The following XDH variants were observed in gnomAD, a reference collection of about 807,000 sequenced individuals.
The protein encoded by XDH is xanthine dehydrogenase/oxidase.
A neutral mutation model predicts 156.1 loss-of-function variants in XDH; 138 were observed. The ratio of observed to expected loss-of-function variants is 0.88; its 90% CI spans 0.77 to 1.02. The LOEUF is 1.02. Ranked by LOEUF, XDH falls within the 50% of genes least tolerant of loss-of-function variation. The probability of loss-of-function intolerance (pLI) is 0.00; values close to 1 mark genes in which losing one functional copy is unlikely to be tolerated. For missense variants in XDH, 1,849 were observed against 1,684.9 expected, an observed-to-expected ratio of 1.10 and a Z score of -1.71; for synonymous variants, 669 against 625.7, an observed-to-expected ratio of 1.07 and a Z score of -1.03.
chr2:31,349,601 T>C, intron 26 of XDH, 85 bp downstream of exon 26: 1 of 1,526,326 alleles, frequency 6.6e-7, no homozygotes, highest in East Asian at 2.4e-5. Context: ...TCCATTGAAT[T>C]ATTAGCTTCC....
At chr2:31,362,330 A>T (rs920427396) in intron 24 of XDH, among the ~76,000 whole-genome samples, 21 of 152,174 alleles carry the variant, frequency 1.4e-4, no homozygotes, top group Non-Finnish European at 2.8e-4. Context: ...ATGAAGAGAA[A>T]AACCATAACA....
chr2:31,338,714 C>CTTTTTTTTTTT (rs57389753), intron 34 of XDH, among the ~76,000 whole-genome samples: 4 of 62,150 alleles, frequency 6.4e-5, no homozygotes, highest in African/African-American at 1.4e-4. Context: ...CTGACCAAGT[C>CTTTTTTTTTTT]TTTTTTTTTT....
At chr2:31,393,382 C>G (rs1037393086) in intron 6 of XDH, among the ~76,000 whole-genome samples, 1 of 152,074 alleles carries the variant, frequency 6.6e-6, no homozygotes, top group Non-Finnish European at 1.5e-5. Flanking sequence ...ATTTTTAATG[C>G]CCCTCTTTTT....
At chr2:31,410,345 T>G (rs1172120417) in intron 1 of XDH, among the ~76,000 whole-genome samples, 3 of 152,166 alleles carry the variant, frequency 2.0e-5, no homozygotes. Context: ...ACCACTGAAC[T>G]GTACACATAA....
At chr2:31,403,687 T>C (rs1458861068) in intron 2 of XDH, among the ~76,000 whole-genome samples, 1 of 152,208 alleles carries the variant, frequency 6.6e-6, no homozygotes, top group Non-Finnish European at 1.5e-5. Context: ...CCAAAAGATA[T>C]GTGAATGGAA....
intron 20 of XDH, 44 bp from the exon 21 acceptor site, chr2:31,367,038 G>C: frequency 6.2e-7 from 1 of 1,613,826 alleles, no homozygotes; most frequent in Non-Finnish European, 8.5e-7. Flanking sequence ...CAATGCTGCA[G>C]AAGGGGCCAG....
chr2:31,338,258 G>A (rs1331910225), intron 34 of XDH, among the ~76,000 whole-genome samples: 1 of 152,154 alleles, frequency 6.6e-6, no homozygotes, highest in Non-Finnish European at 1.5e-5. Flanking sequence ...AGGAATTATA[G>A]GCATAAGAAC....
intron 25 of XDH, 39 bp downstream of exon 25, chr2:31,349,993 T>C (rs1413023452): frequency 6.2e-7 from 1 of 1,612,792 alleles, no homozygotes; most frequent in Non-Finnish European, 8.5e-7. Flanking sequence ...CGAAGTAGTC[T>C]AAAGCACTCT....
intron 1 of XDH, 116 bp from the exon 2 acceptor site, chr2:31,406,080 T>C (rs1369007907): frequency 7.5e-6 from 9 of 1,205,608 alleles, no homozygotes; most frequent in Non-Finnish European, 1.1e-5. Flanking sequence ...GGAAGTGTGA[T>C]ATAGTTTGCA....
chr2:31,336,053 A>C, intron 35 of XDH, 45 bp from the exon 36 acceptor site: 2 of 1,602,300 alleles, frequency 1.2e-6, no homozygotes, highest in Admixed American at 1.7e-5. Context: ...TCTGCTGATC[A>C]TGCTCCTCCC....
intron 13 of XDH, 75 bp downstream of exon 13, chr2:31,379,792 A>G (rs1321248441): frequency 1.4e-6 from 2 of 1,454,648 alleles, no homozygotes; most frequent in East Asian, 2.3e-5. Flanking sequence ...CCTGAAGCAG[A>G]TTCTGATCTC....
rs755620179 is a variant in XDH, at chr2:31,350,156, C to T, written c.2699G>A (p.Arg900Gln). The T allele has an allele frequency of 1.9e-5, 31 of 1,614,032 alleles. No homozygotes were observed. The East Asian group carries it at 2.0e-4, about 10-fold the overall frequency. Residue 900 changes from arginine to glutamine, a missense_variant, in exon 25 of 36, where the codon CGG (arginine) becomes CAG (glutamine). Physicochemically the swap from Arg to Gln is conservative, Grantham distance 43. Coordinates refer to ENST00000379416, the MANE Select transcript of XDH (RefSeq NM_000379.4). Reference protein sequence around the residue: ...YKIPNIRGTGRLCKTNLPSNT... With the variant: ...YKIPNIRGTGQLCKTNLPSNT... The stretch of plus-strand genomic sequence containing the variant: ...GGAGGGAAGGTTGGTTTTGCACAGC[C>T]GCCCAGTGCCCCGGATGTTGGGGAT...
At chr2:31,377,358 T>G in intron 13 of XDH, 121 bp from the exon 14 acceptor site, 1 of 1,061,154 alleles carries the variant, frequency 9.4e-7, no homozygotes, top group Non-Finnish European at 1.4e-6. Flanking sequence ...CATCAGTGGG[T>G]GAACTGGCCC....
chr2:31,396,300 C>T (rs1686902404), intron 6 of XDH, among the ~76,000 whole-genome samples: 1 of 152,142 alleles, frequency 6.6e-6, no homozygotes, highest in African/African-American at 2.4e-5. Flanking sequence ...AAATCCTTCT[C>T]TTTTGAAAAA....
rs768441168 is a variant in XDH at position 31,377,070 on chromosome 2, A to T, written c.1410T>A (p.Thr470=). Residue 470 remains threonine, a synonymous_variant, in exon 14 of 36, where the codon ACT becomes ACA. Coordinates refer to ENST00000379416, the MANE Select transcript of XDH (RefSeq NM_000379.4). ...GCTCTTACTTGGAAAGCTGCCTCTG[A>T]GTGGTCTTGAGGGCTGAGATGGTTC... ...ANRTISALKT[T]QRQLSKLWKE... is the part of the protein sequence containing the mutation. The T allele has an allele frequency of 2.5e-6, 4 of 1,614,102 alleles. No homozygotes were observed. The Admixed American group carries it at 6.7e-5, about 27-fold the overall frequency.
intron 24 of XDH, among the ~76,000 whole-genome samples, chr2:31,360,219 C>T (rs1165145422): frequency 1.3e-5 from 2 of 152,160 alleles, no homozygotes; most frequent in African/African-American, 4.8e-5. Context: ...ACAAGTCGGC[C>T]GGGCAAGGTG....
chr2:31,380,091 T>A (rs1376302815), intron 12 of XDH, 115 bp from the exon 13 acceptor site: 1 of 990,528 alleles, frequency 1.0e-6, no homozygotes, highest in Non-Finnish European at 1.6e-6. Flanking sequence ...ATGCCCACAG[T>A]CAGAGCAAAT....
In XDH at chr2:31,348,821, T is replaced by C. The variant is rs560712423; in HGVS notation, c.3051+78A>G. On this transcript the variant is annotated intron_variant, in intron 27 of 35. Transcript: ENST00000379416. Reference sequence around the variant, plus strand: ...CCCTGTTACCAGTGACAACGAAATTTCCCTTGCAATACTGTAAACAACAGG... The same window carrying C: ...CCCTGTTACCAGTGACAACGAAATTCCCCTTGCAATACTGTAAACAACAGG... The C allele has an allele frequency of 7.5e-5, 102 of 1,368,578 alleles. No individual in the cohort carries two copies. In the African/African-American group the frequency reaches 7.9e-4, roughly 11 times the overall value. The allele number at this position is 1,368,578 out of a possible 1,614,324, so 84.8% of individuals were successfully genotyped here. A position where few individuals can be genotyped will look rare whatever the true frequency, so the allele number is the denominator to read the frequency against.
intron 9 of XDH, among the ~76,000 whole-genome samples, chr2:31,384,897 T>C (rs781634703): frequency 2.6e-5 from 4 of 152,200 alleles, no homozygotes; most frequent in East Asian, 1.9e-4. Flanking sequence ...ACACTCTGCG[T>C]TGACTGGAGG....
Sources: allele counts gnomAD v4.1 joint callset (sites outside exome capture counted in the v4.1 genomes callset), GRCh38; gene constraint gnomAD v4.1.1; transcripts MANE v1.5; gene names NCBI Gene and HGNC (gene_info 2026-07-23, HGNC 2026-07-21).